THEMIS2: variants seen among roughly 807,000 people sequenced by gnomAD.
THEMIS2 encodes protein THEMIS2.
THEMIS2 carries 29 observed loss-of-function variants against 46.8 expected under a neutral mutation model. That is an observed-to-expected ratio of 0.62 (90% CI 0.46 to 0.84). The LOEUF is 0.84. THEMIS2 is among the 40% of genes least tolerant of loss of function. THEMIS2 has a pLI of 0.00. For synonymous variants in THEMIS2, 335 were observed against 349.1 expected (o/e 0.96, Z 0.45); for missense variants, 698 against 834.7 (o/e 0.84, Z 2.02).
chr1:27,883,183 C>T, intron 4 of THEMIS2, 140 bp downstream of exon 4: 4 of 720,788 alleles, frequency 5.5e-6, no homozygotes, highest in Non-Finnish European at 9.0e-6. Flanking sequence ...CCATTATTCT[C>T]ATTCCACCTC....
rs367554537 is a variant in THEMIS2 at position 27,885,426 on chromosome 1, C to T, written c.1851C>T (p.Pro617=). Reference sequence around the variant, plus strand: ...CTGCCCACAGGAAGGGCCACAGGCCCGCTAAGCCCCAAAGGCAGGATCTAG... The same window carrying T: ...CTGCCCACAGGAAGGGCCACAGGCCTGCTAAGCCCCAAAGGCAGGATCTAG... The part of the protein sequence containing the change: ...KIPAHRKGHR[P]AKPQRQDLDD... The change falls in exon 5 of 6, where the codon CCC becomes CCT. Residue 617 remains proline (P), a synonymous_variant. Transcript: ENST00000373921. The T allele has an allele frequency of 6.5e-5, 105 of 1,613,950 alleles. No homozygotes were observed. Among genetic ancestry groups the T allele is most frequent in the Middle Eastern group, 1.7e-4 (1 of 6,046 alleles).
chr1:27,874,106 A>G, intron 1 of THEMIS2, among the ~76,000 whole-genome samples: 1 of 143,276 alleles, frequency 7.0e-6, no homozygotes, highest in Non-Finnish European at 1.5e-5. Flanking sequence ...GATACAGCTC[A>G]CTGCGGCCTC....
chr1:27,881,139 T>TA (rs2089671410), intron 3 of THEMIS2, among the ~76,000 whole-genome samples: 1 of 151,742 alleles, frequency 6.6e-6, no homozygotes, highest in Non-Finnish European at 1.5e-5. Context: ...GGAAAAAAAA[T>TA]AAAAATAGTA....
intron 1 of THEMIS2, among the ~76,000 whole-genome samples, chr1:27,874,168 A>G (rs2089538906): frequency 6.6e-6 from 1 of 151,352 alleles, no homozygotes; most frequent in Non-Finnish European, 1.5e-5. Flanking sequence ...AGAGGCTGGG[A>G]CCACAGGCAC....
intron 1 of THEMIS2, among the ~76,000 whole-genome samples, chr1:27,876,256 A>G (rs2089576513): frequency 1.3e-5 from 2 of 151,718 alleles, no homozygotes; most frequent in Admixed American, 6.6e-5. Flanking sequence ...TGATTTGTGG[A>G]CTTACCACAT....
chr1:27,881,482 T>G (rs1425223534), intron 3 of THEMIS2, among the ~76,000 whole-genome samples: 1 of 148,482 alleles, frequency 6.7e-6, no homozygotes, highest in Non-Finnish European at 1.5e-5. Context: ...AGGGAAAGCA[T>G]GTGTGGGAAT....
At chr1:27,878,007 AG>A (rs1177409156) in intron 2 of THEMIS2, among the ~76,000 whole-genome samples, 7 of 149,744 alleles carry the variant, frequency 4.7e-5, no homozygotes, top group Non-Finnish European at 1.0e-4. Context: ...AAAATTAGCT[AG>A]GGGTGGTGGG....
intron 1 of THEMIS2, among the ~76,000 whole-genome samples, chr1:27,876,188 C>G (rs1481352068): frequency 6.6e-6 from 1 of 150,530 alleles, no homozygotes; most frequent in Non-Finnish European, 1.5e-5. Context: ...AATCCCAACT[C>G]CCTTAGTGTA....
intron 2 of THEMIS2, among the ~76,000 whole-genome samples, chr1:27,877,296 A>G (rs1350417626): frequency 6.6e-6 from 1 of 151,998 alleles, no homozygotes; most frequent in East Asian, 1.9e-4. Flanking sequence ...TGCTCAGGAA[A>G]CCCCAAGGAG....
At chr1:27,883,363 GC>G in intron 4 of THEMIS2, 2 of 301,414 alleles carry the variant, frequency 6.6e-6, no homozygotes, top group East Asian at 1.2e-4. Context: ...CACTACTGCT[GC>G]CTTCACTCCC....
chr1:27,874,514 G>T (rs2089543991), intron 1 of THEMIS2, among the ~76,000 whole-genome samples: 1 of 151,930 alleles, frequency 6.6e-6, no homozygotes, highest in African/African-American at 2.4e-5. Flanking sequence ...GGGTGTGGTG[G>T]CTCATGCTTG....
chr1:27,876,713 G>A lies in THEMIS2; in HGVS notation c.220G>A (p.Ala74Thr), dbSNP rs1425159686. Reference protein sequence around the residue: ...NPKTSQTMELAPNFQGYFTPL... With the variant: ...NPKTSQTMELTPNFQGYFTPL... ...GAAGACCAGCCAGACCATGGAGCTC[G>A]CCCCCAACTTCCAGGGTAAGGTGGG... The change falls in exon 2 of 6, where the codon GCC becomes ACC. Residue 74 changes from alanine (A) to threonine (T), a missense_variant. Physicochemically the swap from Ala to Thr is moderately conservative, Grantham distance 58. Transcript: ENST00000373921. The A allele has an allele frequency of 1.2e-6, 2 of 1,613,644 alleles. No individual in the cohort carries two copies. The highest frequency in any genetic ancestry group is 1.6e-4 in the Middle Eastern group (1 of 6,078).
chr1:27,878,214 C>T (rs954893878), intron 2 of THEMIS2, among the ~76,000 whole-genome samples: 3 of 150,572 alleles, frequency 2.0e-5, no homozygotes, highest in African/African-American at 7.3e-5. Flanking sequence ...CTGCCAGATG[C>T]GGGAAAGTGT....
At position 27,882,610 on chromosome 1, in the gene THEMIS2, G is replaced by A; in HGVS notation, c.1286G>A (p.Ser429Asn). Reference protein sequence around the residue: ...RVLLPFHFPGSFVEEMSDSRR... With the variant: ...RVLLPFHFPGNFVEEMSDSRR... ...CTGCTGCCCTTCCACTTCCCTGGCA[G>A]TTTCGTGGAGGAGATGAGTGACAGC... Residue 429 changes from serine (S) to asparagine (N), a missense_variant, in exon 4 of 6, where the codon AGT (serine) becomes AAT (asparagine). Physicochemically the swap from Ser to Asn is conservative, Grantham distance 46 (BLOSUM62 1). Transcript: ENST00000373921. The surrounding 1 kb of genome is among the most constrained non-coding windows in gnomAD (Gnocchi z 7.6). 1 of 1,614,192 alleles carries A rather than the reference G, an allele frequency of 6.2e-7. No homozygotes were observed. The highest frequency in any genetic ancestry group is 1.3e-5 in the African/African-American group (1 of 75,058).
chr1:27,881,933 G>A lies in THEMIS2; in HGVS notation c.647-38G>A, dbSNP rs372259745. 1,392 of 1,521,502 alleles carry A rather than the reference G, an allele frequency of 9.1e-4. 2 individuals are homozygous for A. The highest frequency in any genetic ancestry group is 1.1e-3 in the Non-Finnish European group (1,193 of 1,112,578). 94.3% of individuals were successfully genotyped at this position (1,521,502 alleles called of 1,614,324 possible). A position where few individuals can be genotyped will look rare whatever the true frequency, so the allele number is the denominator to read the frequency against. On this transcript the variant is annotated intron_variant, in intron 3 of 5. Coordinates refer to ENST00000373921, the MANE Select transcript of THEMIS2 (RefSeq NM_001105556.3). ...TGCCTGGGGTGGGGGCCACTCCTGG[G>A]GTGGCATGCAGTGCCACTGAGCTGC...
chr1:27,882,886 G>T lies in THEMIS2; in HGVS notation c.1562G>T (p.Gly521Val). Residue 521 changes from glycine to valine, a missense_variant, in exon 4 of 6, where the codon GGG (glycine) becomes GTG (valine). Gly to Val is a moderately radical substitution (Grantham distance 109). Coordinates refer to ENST00000373921, the MANE Select transcript of THEMIS2 (RefSeq NM_001105556.3). The surrounding 1 kb of genome is among the most constrained non-coding windows in gnomAD (Gnocchi z 7.6). Reference sequence around the variant, plus strand: ...AAGGGGCAGCCAGACTTGCCAGAGGGGTCTCTCCCCATAGCCACAGTGGAG... The same window carrying T: ...AAGGGGCAGCCAGACTTGCCAGAGGTGTCTCTCCCCATAGCCACAGTGGAG... The part of the protein sequence containing the change: ...KAKGQPDLPE[G>V]SLPIATVEEL... 6.2e-7 allele frequency: 1 copy of T among 1,613,842 alleles called. No homozygotes were observed. Among genetic ancestry groups the T allele is most frequent in the Non-Finnish European group, 8.5e-7 (1 of 1,179,940 alleles).
rs1557453167 is a variant in THEMIS2, at chr1:27,882,632, C to T, written c.1308C>T (p.Asp436=). The part of the protein sequence containing the change: ...FPGSFVEEMS[D]SRRYSLADLT... ...GCAGTTTCGTGGAGGAGATGAGTGA[C>T]AGCCGGCGCTACAGCCTGGCAGATC... The change falls in exon 4 of 6, where the codon GAC becomes GAT. Residue 436 remains aspartate, a synonymous_variant. Coordinates refer to ENST00000373921, the MANE Select transcript of THEMIS2 (RefSeq NM_001105556.3). This position sits in a 1 kb window ranked among gnomAD's most constrained non-coding sequence, Gnocchi z 7.6. The T allele has an allele frequency of 6.2e-7, 1 of 1,614,194 alleles. No individual in the cohort carries two copies. The highest frequency in any genetic ancestry group is 8.5e-7 in the Non-Finnish European group (1 of 1,180,036).
In THEMIS2 at chr1:27,880,147, T is replaced by C. The variant is rs75729924; in HGVS notation, c.646+93T>C. ...TCTGATGGAAGACACCCCCACCCCA[T>C]CCCTGAGGATCAGCTGGAACTTCAG... On this transcript the variant is annotated intron_variant, in intron 3 of 5. Coordinates refer to ENST00000373921, the MANE Select transcript of THEMIS2 (RefSeq NM_001105556.3). The C allele has an allele frequency of 9.4e-3, 12,787 of 1,363,656 alleles. 971 individuals carry two copies. The African/African-American group carries it at 0.16, about 17-fold the overall frequency. 84.5% of individuals were successfully genotyped at this position (1,363,656 alleles called of 1,614,324 possible).
chr1:27,874,568 A>G (rs145280332), intron 1 of THEMIS2, among the ~76,000 whole-genome samples: 173 of 151,920 alleles, frequency 1.1e-3, no homozygotes, highest in African/African-American at 4.0e-3. Flanking sequence ...GATCACTTGA[A>G]CTCAGGGGTT....
Sources: allele counts gnomAD v4.1 joint callset (sites outside exome capture counted in the v4.1 genomes callset), GRCh38; gene constraint gnomAD v4.1.1; non-coding constraint Gnocchi (gnomAD v3.1); transcripts MANE v1.5; gene names NCBI Gene and HGNC (gene_info 2026-07-23, HGNC 2026-07-21).